The following TSGA10 variants were observed in gnomAD, a reference collection of about 807,000 sequenced individuals.
TSGA10 encodes the protein testis specific 10.
TSGA10 carries 43 observed loss-of-function variants against 96.6 expected under a neutral mutation model. The observed-to-expected ratio is 0.44, with a 90% CI of 0.35 to 0.57. The LOEUF is 0.57. TSGA10 is among the 20% of genes least tolerant of loss of function. The probability of loss-of-function intolerance (pLI) is 0.01; values close to 1 mark genes in which losing one functional copy is unlikely to be tolerated. For missense variants in TSGA10, 703 were observed against 834.4 expected, an observed-to-expected ratio of 0.84 and a Z score of 1.94; for synonymous variants, 229 against 269.9, an observed-to-expected ratio of 0.85 and a Z score of 1.48.
chr2:99,141,051 C>T lies in TSGA10; in HGVS notation c.-621+13642G>A, dbSNP rs779598456. ...GACCTTCCAGTCCAGTAGCAGCACT[C>T]TCCCCACCCCGCGCACCTCCGCAGC... On this transcript the variant is annotated intron_variant, in intron 1 of 20. Transcript: ENST00000393483. 4.0e-6 allele frequency: 5 copies of T among 1,265,306 alleles called. No homozygotes were observed. In the South Asian group the frequency reaches 5.1e-5, roughly 13 times the overall value. The allele number at this position is 1,265,306 out of a possible 1,614,324, so 78.4% of individuals were successfully genotyped here.
intron 14 of TSGA10, 128 bp downstream of exon 14, chr2:99,071,578 A>AT (rs989052461): frequency 4.5e-5 from 36 of 808,296 alleles, no homozygotes; most frequent in Middle Eastern, 3.4e-4. Flanking sequence ...CTATTTTGTT[A>AT]TTTTTTAAAA....
chr2:99,036,618 G>A (rs1015700942), intron 16 of TSGA10, among the ~76,000 whole-genome samples: 1 of 151,982 alleles, frequency 6.6e-6, no homozygotes, highest in Non-Finnish European at 1.5e-5. Context: ...ACAAACAAAT[G>A]AACGGGGCAA....
chr2:99,154,551 A>T (rs139857366), intron 1 of TSGA10, 142 bp downstream of exon 1: 38 of 158,222 alleles, frequency 2.4e-4, no homozygotes, highest in African/African-American at 8.9e-4. Context: ...GACCCAGCGT[A>T]ATACCTGTAT....
rs150364080 is a variant in TSGA10, at chr2:99,098,914, A to G, written c.611+5053T>C. Among the ~76,000 whole-genome samples, 75 of 152,350 alleles carry G rather than the reference A, an allele frequency of 4.9e-4. No homozygotes were observed. In the East Asian group the frequency reaches 9.6e-3, roughly 20 times the overall value. ...TTTATTGGTAAGTTCTACAACTCCAATCTTATACAAACTGTTCCACAAAAT... is the reference window on the plus strand; with the variant it reads ...TTTATTGGTAAGTTCTACAACTCCAGTCTTATACAAACTGTTCCACAAAAT... On this transcript the variant is annotated intron_variant, in intron 10 of 20. Transcript: ENST00000393483.
chr2:99,071,643 T>C, intron 14 of TSGA10, 63 bp downstream of exon 14: 7 of 1,502,132 alleles, frequency 4.7e-6, no homozygotes, highest in Non-Finnish European at 6.4e-6. Context: ...AAATGAGGGC[T>C]GTTCCTCACA....
chr2:99,006,163 C>A (rs1391358043), intron 20 of TSGA10, among the ~76,000 whole-genome samples: 2 of 152,094 alleles, frequency 1.3e-5, no homozygotes, highest in Non-Finnish European at 2.9e-5. Context: ...TAAAGACTTA[C>A]ATGTTTGACC....
chr2:99,108,562 C>A (rs4340581), intron 7 of TSGA10, among the ~76,000 whole-genome samples: 1 of 151,830 alleles, frequency 6.6e-6, no homozygotes, highest in African/African-American at 2.4e-5. Context: ...TATCATTTAA[C>A]GGTTTCTTCA....
intron 12 of TSGA10, among the ~76,000 whole-genome samples, chr2:99,077,076 T>C (rs1206979095): frequency 6.6e-6 from 1 of 151,682 alleles, no homozygotes; most frequent in East Asian, 1.9e-4. Flanking sequence ...TAACAGTATC[T>C]TTATCTCTCT....
intron 10 of TSGA10, among the ~76,000 whole-genome samples, chr2:99,087,810 T>C (rs720229): frequency 0.52 from 79,348 of 151,938 alleles, 22,223 homozygotes; most frequent in Middle Eastern, 0.7. Context: ...CAATAATGCC[T>C]ACAAATAAAC....
rs2081527923 is a variant in TSGA10, at chr2:99,035,398, G to A, written c.1446C>T (p.Thr482=). 6 of 1,612,320 alleles carry A rather than the reference G, an allele frequency of 3.7e-6. No homozygotes were observed. In the East Asian group the frequency reaches 1.3e-4, roughly 36 times the overall value. The part of the protein sequence containing the change: ...AERSYKSQIS[T]LHKSVVKMEE... ...CCATTTTTACAACAGATTTATGTAAGGTAGAAATCTGGGACTTGTAAGACC... is the reference window on the plus strand; with the variant it reads ...CCATTTTTACAACAGATTTATGTAAAGTAGAAATCTGGGACTTGTAAGACC... Residue 482 remains threonine (T), a synonymous_variant, in exon 17 of 21, where the codon ACC becomes ACT. Coordinates refer to ENST00000393483, the MANE Select transcript of TSGA10 (RefSeq NM_025244.4).
intron 12 of TSGA10, among the ~76,000 whole-genome samples, chr2:99,074,847 T>C (rs1013227366): frequency 6.6e-6 from 1 of 151,696 alleles, no homozygotes; most frequent in Non-Finnish European, 1.5e-5. Flanking sequence ...TAATCCCAGC[T>C]ACTCAGGAGA....
chr2:99,101,688 A>G (rs1275429742), intron 10 of TSGA10, among the ~76,000 whole-genome samples: 1 of 152,230 alleles, frequency 6.6e-6, no homozygotes, highest in Non-Finnish European at 1.5e-5. Flanking sequence ...GAAAAGAACA[A>G]AAAGATAAAG....
chr2:99,005,175 C>G (rs1479193320), intron 20 of TSGA10, among the ~76,000 whole-genome samples: 3 of 152,208 alleles, frequency 2.0e-5, no homozygotes, highest in Non-Finnish European at 1.5e-5. Flanking sequence ...GACAAACCCA[C>G]AGCCAGTATC....
intron 16 of TSGA10, among the ~76,000 whole-genome samples, chr2:99,041,618 T>C (rs2082190254): frequency 6.6e-6 from 1 of 152,150 alleles, no homozygotes; most frequent in Non-Finnish European, 1.5e-5. Flanking sequence ...CTGAGATAAT[T>C]GGCAAGCTAT....
At chr2:99,095,964 G>A (rs367858353) in intron 10 of TSGA10, among the ~76,000 whole-genome samples, 9 of 152,262 alleles carry the variant, frequency 5.9e-5, no homozygotes, top group South Asian at 4.1e-4. Flanking sequence ...GTATCAGTAC[G>A]TATGTAGGCA....
intron 20 of TSGA10, among the ~76,000 whole-genome samples, chr2:99,004,714 C>G (rs2078302574): frequency 6.6e-6 from 1 of 152,108 alleles, no homozygotes; most frequent in Non-Finnish European, 1.5e-5. Context: ...ACCAGAGGTA[C>G]AAGAAGGAGC....
chr2:99,148,316 T>A (rs2093652807), intron 1 of TSGA10: 2 of 152,346 alleles, frequency 1.3e-5, no homozygotes, highest in South Asian at 4.1e-4. Context: ...ATTCCTTTGA[T>A]GAGGAAGAAA....
intron 10 of TSGA10, among the ~76,000 whole-genome samples, chr2:99,089,327 G>T (rs1456760692): frequency 6.6e-6 from 1 of 152,200 alleles, no homozygotes; most frequent in Non-Finnish European, 1.5e-5. Flanking sequence ...GAGGAACTGG[G>T]AAAAGACCAC....
intron 1 of TSGA10, among the ~76,000 whole-genome samples, chr2:99,132,616 G>T (rs1275184362): frequency 1.3e-5 from 2 of 152,018 alleles, no homozygotes; most frequent in Admixed American, 6.6e-5. Context: ...CTTCAGTTCT[G>T]CTCTGATCTT....
Sources: allele counts gnomAD v4.1 joint callset (sites outside exome capture counted in the v4.1 genomes callset), GRCh38; gene constraint gnomAD v4.1.1; transcripts MANE v1.5; gene names NCBI Gene and HGNC (gene_info 2026-07-23, HGNC 2026-07-21).